CCBE1: variants seen among roughly 807,000 people sequenced by gnomAD.
The protein encoded by CCBE1 is collagen and calcium-binding EGF domain-containing protein 1.
Under a neutral mutation model 50.0 loss-of-function variants are expected in CCBE1, and 37 were observed. The ratio of observed to expected loss-of-function variants is 0.74; its 90% CI spans 0.57 to 0.97. The LOEUF (loss-of-function observed/expected upper bound fraction) is 0.97, where lower values mean the gene tolerates loss of function less well. Among genes scored for constraint, CCBE1 ranks in the 50% least tolerant of loss-of-function variants. CCBE1 has a pLI of 0.00. For synonymous variants in CCBE1, 234 were observed against 203.7 expected, an observed-to-expected ratio of 1.15 and a Z score of -1.27; for missense variants, 538 against 523.8, an observed-to-expected ratio of 1.03 and a Z score of -0.26.
chr18:59,512,511 C>G (rs539844901), intron 2 of CCBE1, among the ~76,000 whole-genome samples: 1 of 152,242 alleles, frequency 6.6e-6, no homozygotes, highest in African/African-American at 2.4e-5. Context: ...AACCCCACTG[C>G]CCTCAACTCA....
At chr18:59,652,820 C>T (rs967091942) in intron 2 of CCBE1, among the ~76,000 whole-genome samples, 6 of 152,070 alleles carry the variant, frequency 3.9e-5, no homozygotes, top group African/African-American at 1.2e-4. Flanking sequence ...GAAAATTAGC[C>T]GGGCGTGGCG....
intron 2 of CCBE1, among the ~76,000 whole-genome samples, chr18:59,689,943 G>A (rs1301337024): frequency 6.6e-6 from 1 of 152,090 alleles, no homozygotes; most frequent in Non-Finnish European, 1.5e-5. Context: ...GTTGCTGAAA[G>A]GACACAGCTG....
intron 2 of CCBE1, among the ~76,000 whole-genome samples, chr18:59,490,387 C>CTTT (rs11379621): frequency 0.27 from 37,562 of 141,426 alleles, 5,105 homozygotes; most frequent in Middle Eastern, 0.31. Flanking sequence ...GATATTCCCC[C>CTTT]TTTTTTTTTT....
At chr18:59,545,277 G>A (rs2144395728) in intron 2 of CCBE1, among the ~76,000 whole-genome samples, 1 of 152,132 alleles carries the variant, frequency 6.6e-6, no homozygotes, top group South Asian at 2.1e-4. Context: ...CCCCTATAAT[G>A]ACAGTAAATA....
At chr18:59,453,201 G>C (rs540984342) in intron 6 of CCBE1, among the ~76,000 whole-genome samples, 1 of 152,314 alleles carries the variant, frequency 6.6e-6, no homozygotes, top group South Asian at 2.1e-4. Context: ...TCCAGGGAAG[G>C]AAAGTGAGGG....
intron 2 of CCBE1, among the ~76,000 whole-genome samples, chr18:59,579,209 G>A (rs2053047213): frequency 6.6e-6 from 1 of 152,044 alleles, no homozygotes; most frequent in Admixed American, 6.6e-5. Context: ...TTTGATAAAT[G>A]CACCTGTTTG....
chr18:59,591,245 CAAAAAAAAAAAAAAAAAAAAAAAAAAAA>C (rs58325003), intron 2 of CCBE1, among the ~76,000 whole-genome samples: 42 of 2,118 alleles, frequency 0.02, 8 homozygotes, highest in Admixed American at 0.034. Context: ...GACTCCGTCT[CAAAAAAAAAAAAAAAAAAAAAAAAAAAA>C]AAAAAAAAAA....
intron 2 of CCBE1, among the ~76,000 whole-genome samples, chr18:59,651,413 C>T (rs1020087040): frequency 2.6e-5 from 4 of 152,216 alleles, no homozygotes; most frequent in South Asian, 2.1e-4. Context: ...GGTTTTTAAA[C>T]GAGACTGCAT....
intron 2 of CCBE1, among the ~76,000 whole-genome samples, chr18:59,553,413 A>C (rs1915999050): frequency 6.6e-6 from 1 of 152,172 alleles, no homozygotes; most frequent in Non-Finnish European, 1.5e-5. Context: ...CTACACACAC[A>C]CAACCATTGA....
chr18:59,454,454 T>C (rs1911084574), intron 6 of CCBE1, among the ~76,000 whole-genome samples: 2 of 152,248 alleles, frequency 1.3e-5, no homozygotes, highest in South Asian at 4.1e-4. Flanking sequence ...CCATGTTAGC[T>C]AGGCTGGTCT....
chr18:59,561,923 T>C (rs1300415387), intron 2 of CCBE1, among the ~76,000 whole-genome samples: 1 of 152,176 alleles, frequency 6.6e-6, no homozygotes, highest in Non-Finnish European at 1.5e-5. Flanking sequence ...TGCTGCTGGA[T>C]AATATCATGT....
intron 2 of CCBE1, among the ~76,000 whole-genome samples, chr18:59,572,490 G>A (rs867307501): frequency 6.6e-6 from 1 of 152,268 alleles, no homozygotes; most frequent in South Asian, 2.1e-4. Context: ...ATATGATCAT[G>A]CTTCCAAATG....
At chr18:59,527,330 C>G (rs1914867436) in intron 2 of CCBE1, among the ~76,000 whole-genome samples, 1 of 152,010 alleles carries the variant, frequency 6.6e-6, no homozygotes, top group Admixed American at 6.6e-5. Flanking sequence ...CAACCCTGTT[C>G]TTTTCTTCTT....
chr18:59,609,430 T>C (rs2053542823), intron 2 of CCBE1, among the ~76,000 whole-genome samples: 2 of 152,208 alleles, frequency 1.3e-5, no homozygotes, highest in Admixed American at 6.5e-5. Context: ...AGCTCCTTCC[T>C]AGGTTTTCGA....
Position 59,435,235 on chromosome 18 carries a change from T to C in CCBE1, c.*673A>G, listed in dbSNP as rs1380947835. 2 of 152,478 alleles carry C rather than the reference T, an allele frequency of 1.3e-5. No homozygotes were observed. Among genetic ancestry groups the C allele is most frequent in the African/African-American group, 2.4e-5 (1 of 41,464 alleles). The allele number at this position is 152,478 out of a possible 1,614,324, so 9.4% of individuals were successfully genotyped here. On this transcript the variant is annotated 3_prime_UTR_variant, in exon 11 of 11. Transcript: ENST00000439986. ...AACCTTAAGCACCGTATTTGAATTT[T>C]AGAATGTGGCAATCTATATAACAGT...
intron 2 of CCBE1, among the ~76,000 whole-genome samples, chr18:59,550,515 C>A (rs182436989): frequency 1.2e-3 from 183 of 152,276 alleles, no homozygotes; most frequent in Non-Finnish European, 2.1e-3. Context: ...ACTCCCTGGT[C>A]AATCTTTTCC....
intron 2 of CCBE1, among the ~76,000 whole-genome samples, chr18:59,664,413 G>A (rs1191801784): frequency 6.6e-6 from 1 of 152,120 alleles, no homozygotes; most frequent in Non-Finnish European, 1.5e-5. Flanking sequence ...AAAGTAAATG[G>A]GAACAGAAGA....
chr18:59,452,231 T>C (rs898506534), intron 6 of CCBE1, among the ~76,000 whole-genome samples: 2 of 152,136 alleles, frequency 1.3e-5, no homozygotes, highest in Admixed American at 6.5e-5. Flanking sequence ...TGGCTAATGT[T>C]TATTTGGGCA....
intron 2 of CCBE1, among the ~76,000 whole-genome samples, chr18:59,581,822 C>T (rs2053088056): frequency 6.6e-6 from 1 of 152,060 alleles, no homozygotes; most frequent in Admixed American, 6.5e-5. Context: ...TTGTGACAAC[C>T]AAAAATGTCT....
Sources: allele counts gnomAD v4.1 joint callset (sites outside exome capture counted in the v4.1 genomes callset), GRCh38; gene constraint gnomAD v4.1.1; transcripts MANE v1.5; gene names NCBI Gene and HGNC (gene_info 2026-07-23, HGNC 2026-07-21).